Variants in TPTE2 observed in about 807,000 individuals in gnomAD.
TPTE2 encodes the protein transmembrane phosphoinositide 3-phosphatase and tensin homolog 2.
In TPTE2, 53 loss-of-function variants were observed where a neutral mutation model predicts 78.6. The ratio of observed to expected loss-of-function variants is 0.67; its 90% confidence interval spans 0.54 to 0.85. The LOEUF (loss-of-function observed/expected upper bound fraction) is 0.85, where lower values mean the gene tolerates loss of function less well. TPTE2 is among the 40% of genes least tolerant of loss of function. The probability of loss-of-function intolerance (pLI) is 0.00; values close to 1 mark genes in which losing one functional copy is unlikely to be tolerated. For missense variants in TPTE2, 461 were observed against 623.0 expected (o/e 0.74, Z 2.77); for synonymous variants, 175 against 206.2 (o/e 0.85, Z 1.30).
At chr13:19,547,185 C>T in the TPTE2 span, among the ~76,000 whole-genome samples, 1 of 151,824 alleles carries the variant, frequency 6.6e-6, no homozygotes, top group African/African-American at 2.4e-5. Context: ...TAGCCGGGAA[C>T]GTGGCCCACG....
chr13:19,519,630 GATCTACAT>G (rs1443082646), intron 1 of TPTE2, among the ~76,000 whole-genome samples: 1 of 152,114 alleles, frequency 6.6e-6, no homozygotes, highest in Non-Finnish European at 1.5e-5. Flanking sequence ...CTGTTCCATT[GATCTACAT>G]ATCTATCCTT....
intron 1 of TPTE2, among the ~76,000 whole-genome samples, chr13:19,513,102 C>T (rs957226421): frequency 3.3e-5 from 5 of 152,070 alleles, no homozygotes; most frequent in Admixed American, 3.3e-4. Context: ...GGTAATCTTA[C>T]GATAAGAAAT....
intron 1 of TPTE2, among the ~76,000 whole-genome samples, chr13:19,528,465 A>G (rs903255745): frequency 2.6e-4 from 39 of 152,238 alleles, no homozygotes; most frequent in Admixed American, 4.6e-4. Context: ...TAGGATTTGC[A>G]TAACAAATAG....
chr13:19,499,489 A>C lies in TPTE2; in HGVS notation c.11+3735T>G, dbSNP rs1385880653. On this transcript the variant is annotated intron_variant, in intron 1 of 19. Transcript: ENST00000400230. ...GCAATCAAACTAGAACTCAGGATTA[A>C]GAATCTCACTCAAAACCACTCAACT... Among the ~76,000 whole-genome samples the C allele has an allele frequency of 1.2e-4, 17 of 138,664 alleles. 1 individual carries two copies. The South Asian group carries it at 2.4e-3, about 19-fold the overall frequency. 91.0% of individuals were successfully genotyped at this position (138,664 alleles called of 152,430 possible).
chr13:19,463,352 A>G (rs1222816484), intron 10 of TPTE2, among the ~76,000 whole-genome samples: 4 of 152,190 alleles, frequency 2.6e-5, no homozygotes, highest in African/African-American at 9.7e-5. Context: ...TTAATGACAT[A>G]TATATCCTTG....
the TPTE2 span, among the ~76,000 whole-genome samples, chr13:19,550,487 T>C: frequency 7.1e-4 from 108 of 152,304 alleles, no homozygotes; most frequent in Admixed American, 1.6e-3. Flanking sequence ...AATAAAATGT[T>C]ACTGTATACA....
chr13:19,497,698 GA>G (rs1007008906), intron 1 of TPTE2, among the ~76,000 whole-genome samples: 2 of 150,328 alleles, frequency 1.3e-5, no homozygotes, highest in Admixed American at 6.7e-5. Flanking sequence ...CAAAGATGGG[GA>G]AAAAACAGAA....
intron 10 of TPTE2, among the ~76,000 whole-genome samples, chr13:19,452,606 A>AC (rs1340026780): frequency 2.6e-5 from 4 of 152,220 alleles, no homozygotes; most frequent in Non-Finnish European, 5.9e-5. Flanking sequence ...AGTCAAAACA[A>AC]CAATGAAATG....
chr13:19,533,579 T>A (rs1281343318), intron 1 of TPTE2, among the ~76,000 whole-genome samples: 1 of 152,196 alleles, frequency 6.6e-6, no homozygotes, highest in Non-Finnish European at 1.5e-5. Flanking sequence ...CTGACAAGCA[T>A]GTGGAAAGAG....
chr13:19,532,813 C>T (rs1593424759), intron 1 of TPTE2, among the ~76,000 whole-genome samples: 3 of 152,128 alleles, frequency 2.0e-5, no homozygotes, highest in East Asian at 3.9e-4. Flanking sequence ...CAGAAGTGAC[C>T]GAAACTGACA....
chr13:19,470,808 G>A (rs1416451696), intron 6 of TPTE2, among the ~76,000 whole-genome samples: 1 of 152,058 alleles, frequency 6.6e-6, no homozygotes, highest in African/African-American at 2.4e-5. Flanking sequence ...TTATAGAAGT[G>A]AGCCACCACT....
chr13:19,541,106 G>C (rs1418929732), upstream of TPTE2, among the ~76,000 whole-genome samples: 1 of 152,166 alleles, frequency 6.6e-6, no homozygotes, highest in Non-Finnish European at 1.5e-5. Flanking sequence ...CTGTGGGATG[G>C]AGGTCCCTGC....
rs572598650 is a variant in TPTE2, at chr13:19,444,612, G to T, written c.973+5464C>A. ...TTCATGGGTTGGATGAGTCAATATT[G>T]TAAAGATTCAATTCTCCCCAGTCTA... On this transcript the variant is annotated intron_variant, in intron 13 of 19. Transcript: ENST00000400230. 4.6e-5 allele frequency among the ~76,000 whole-genome samples: 7 copies of T among 152,190 alleles called. No individual in the cohort carries two copies. The South Asian group carries it at 1.5e-3, about 32-fold the overall frequency.
chr13:19,472,091 A>G (rs2137584218), intron 6 of TPTE2, among the ~76,000 whole-genome samples: 1 of 152,268 alleles, frequency 6.6e-6, no homozygotes, highest in South Asian at 2.1e-4. Context: ...TGCTGCTTTT[A>G]AGATCCTTTC....
At chr13:19,484,046 G>A (rs369586506) in intron 3 of TPTE2, among the ~76,000 whole-genome samples, 1 of 151,562 alleles carries the variant, frequency 6.6e-6, no homozygotes, top group Middle Eastern at 3.4e-3. Flanking sequence ...TTGTCCTTGC[G>A]ATAGGTTGCT....
At chr13:19,473,238 G>A (rs553182928) in intron 6 of TPTE2, among the ~76,000 whole-genome samples, 13 of 152,154 alleles carry the variant, frequency 8.5e-5, no homozygotes, top group Non-Finnish European at 1.8e-4. Context: ...GAAGGCCCTG[G>A]GGCTCTACAG....
the TPTE2 span, among the ~76,000 whole-genome samples, chr13:19,549,404 G>T: frequency 6.6e-6 from 1 of 152,212 alleles, no homozygotes; most frequent in Admixed American, 6.5e-5. Flanking sequence ...TATGAAAAAT[G>T]CTCAATGTCA....
chr13:19,495,573 G>T (rs534046052), intron 1 of TPTE2, among the ~76,000 whole-genome samples: 3 of 152,266 alleles, frequency 2.0e-5, no homozygotes, highest in African/African-American at 7.2e-5. Flanking sequence ...AGTTTCAAGG[G>T]AACTCCTTGT....
At chr13:19,506,678 C>A (rs1208829447), upstream of TPTE2, among the ~76,000 whole-genome samples, 1 of 152,192 alleles carries the variant, frequency 6.6e-6, no homozygotes, top group Non-Finnish European at 1.5e-5. Flanking sequence ...CAACAACCAG[C>A]AAAAGCTAGC....
Sources: allele counts gnomAD v4.1 joint callset (sites outside exome capture counted in the v4.1 genomes callset), GRCh38; gene constraint gnomAD v4.1.1; transcripts MANE v1.5; gene names NCBI Gene and HGNC (gene_info 2026-07-23, HGNC 2026-07-21).